Variants in ARFGEF2 observed in about 807,000 individuals in gnomAD.
ARFGEF2 encodes the protein ARF guanine nucleotide exchange factor 2, also known as brefeldin A-inhibited guanine nucleotide-exchange protein 2.
A neutral mutation model predicts 219.9 loss-of-function variants in ARFGEF2; 74 were observed. The observed-to-expected ratio is 0.34, with a 90% CI of 0.28 to 0.41. ARFGEF2 has a LOEUF of 0.41. ARFGEF2 is among the 10% of genes least tolerant of loss of function. The pLI, the probability that ARFGEF2 is intolerant of heterozygous loss-of-function variation, is 1.00. For missense variants in ARFGEF2, 1,743 were observed against 2,218.3 expected (o/e 0.79, Z 4.30); for synonymous variants, 733 against 799.2 (o/e 0.92, Z 1.40).
At chr20:49,019,471 C>T (rs1568741249) in intron 34 of ARFGEF2, among the ~76,000 whole-genome samples, 2 of 152,142 alleles carry the variant, frequency 1.3e-5, no homozygotes, top group African/African-American at 4.8e-5. Context: ...GCATTTATTG[C>T]TTAATTGAGT....
Position 49,035,808 on chromosome 20 carries a change from C to T in ARFGEF2, c.*2609C>T, listed in dbSNP as rs780728922. ...CTTCATTGTCTGTTAGGGAAATCACCAGCTTTGGCATCTTAACAACAAACA... is the reference window on the plus strand; with the variant it reads ...CTTCATTGTCTGTTAGGGAAATCACTAGCTTTGGCATCTTAACAACAAACA... On this transcript the variant is annotated 3_prime_UTR_variant, in exon 39 of 39. Coordinates refer to ENST00000371917, the MANE Select transcript of ARFGEF2 (RefSeq NM_006420.3). 8 of 188,738 alleles carry T rather than the reference C, an allele frequency of 4.2e-5. No homozygotes were observed. Among genetic ancestry groups the T allele is most frequent in the South Asian group, 1.9e-4 (1 of 5,154 alleles). The allele number at this position is 188,738 out of a possible 1,614,324, so 11.7% of individuals were successfully genotyped here.
chr20:49,017,400 G>T lies in ARFGEF2; in HGVS notation c.4454+13G>T. 1 of 1,613,964 alleles carries T rather than the reference G, an allele frequency of 6.2e-7. No homozygotes were observed. Among genetic ancestry groups the T allele is most frequent in the Non-Finnish European group, 8.5e-7 (1 of 1,179,994 alleles). On this transcript the variant is annotated intron_variant, in intron 32 of 38. Transcript: ENST00000371917. Reference sequence around the variant, plus strand: ...CCATCCCACATGTGTAAGTGTTCATGCAGTTGTTCCCGTTTATCTCTGTGT... The same window carrying T: ...CCATCCCACATGTGTAAGTGTTCATTCAGTTGTTCCCGTTTATCTCTGTGT...
intron 37 of ARFGEF2, among the ~76,000 whole-genome samples, chr20:49,029,289 A>G (rs1453928001): frequency 9.2e-5 from 14 of 152,172 alleles, no homozygotes; most frequent in Admixed American, 8.5e-4. Context: ...GTGCTGGCAA[A>G]TGTGTGGTAA....
rs371739977 is a variant in ARFGEF2 at position 49,004,886 on chromosome 20, C to T, written c.3433-184C>T. Reference sequence around the variant, plus strand: ...TTAATTAACTATGCAATACTGATTTCGTCATTACACTTAAAATAAAACTGG... The same window carrying T: ...TTAATTAACTATGCAATACTGATTTTGTCATTACACTTAAAATAAAACTGG... On this transcript the variant is annotated intron_variant, in intron 25 of 38. Transcript: ENST00000371917. Among the ~76,000 whole-genome samples, 11 of 152,296 alleles carry T rather than the reference C, an allele frequency of 7.2e-5. No individual in the cohort carries two copies. In the South Asian group the frequency reaches 1.9e-3, roughly 26 times the overall value.
intron 37 of ARFGEF2, among the ~76,000 whole-genome samples, chr20:49,028,944 C>T (rs945845956): frequency 5.3e-5 from 8 of 152,204 alleles, no homozygotes; most frequent in Admixed American, 1.3e-4. Flanking sequence ...GTGCTCCGAG[C>T]GGTCAGCAGG....
intron 6 of ARFGEF2, among the ~76,000 whole-genome samples, chr20:48,956,976 C>T (rs1416598766): frequency 6.6e-6 from 1 of 152,210 alleles, no homozygotes. Flanking sequence ...CTTACCGCCC[C>T]ACCATCCCCC....
intron 9 of ARFGEF2, 93 bp from the exon 10 acceptor site, chr20:48,971,027 A>G (rs2123414910): frequency 9.9e-7 from 1 of 1,008,848 alleles, no homozygotes; most frequent in Non-Finnish European, 1.6e-6. Context: ...TTAAAATTCT[A>G]CTCATTGGTA....
chr20:49,029,564 T>C (rs1462697567), intron 37 of ARFGEF2, among the ~76,000 whole-genome samples: 1 of 151,988 alleles, frequency 6.6e-6, no homozygotes, highest in African/African-American at 2.4e-5. Flanking sequence ...TCCTAAATTA[T>C]GATATTATGA....
In ARFGEF2 at chr20:49,023,054, A is replaced by G. The variant is rs774245280; in HGVS notation, c.4628A>G (p.Gln1543Arg). 27 of 1,614,114 alleles carry G rather than the reference A, an allele frequency of 1.7e-5. No individual in the cohort carries two copies. The highest frequency in any genetic ancestry group is 2.3e-5 in the Non-Finnish European group (27 of 1,180,038). The change falls in exon 35 of 39, where the codon CAG (glutamine) becomes CGG (arginine). Residue 1543 changes from glutamine to arginine, a missense_variant. By Grantham distance (43) the Gln-to-Arg change is conservative. Coordinates refer to ENST00000371917, the MANE Select transcript of ARFGEF2 (RefSeq NM_006420.3). Reference sequence around the variant, plus strand: ...TAATCTTTATCATCTAACATAGATCAGAAACTGTTTGCCAGCCTCCTCATC... The same window carrying G: ...TAATCTTTATCATCTAACATAGATCGGAAACTGTTTGCCAGCCTCCTCATC... ...DSWKGRPYAN[Q>R]KLFASLLIKC... is the part of the protein sequence containing the mutation.
intron 14 of ARFGEF2, among the ~76,000 whole-genome samples, chr20:48,978,825 T>A (rs1239932360): frequency 6.6e-6 from 1 of 152,240 alleles, no homozygotes; most frequent in Admixed American, 6.5e-5. Context: ...ATTGATTTTA[T>A]ATTCTGAGAC....
chr20:48,959,413 CTCCCTCCCTCCCTTCT>C (rs2091125788), intron 6 of ARFGEF2, among the ~76,000 whole-genome samples: 1 of 132,784 alleles, frequency 7.5e-6, no homozygotes, highest in Admixed American at 7.4e-5. Context: ...CCTTCCTTCC[CTCCCTCCCTCCCTTCT>C]TCCTTCCCTC....
intron 3 of ARFGEF2, among the ~76,000 whole-genome samples, chr20:48,945,902 T>G (rs1162978905): frequency 1.3e-5 from 2 of 152,104 alleles, no homozygotes; most frequent in African/African-American, 4.8e-5. Flanking sequence ...GAATGGAAGT[T>G]CTCTGAGATG....
intron 3 of ARFGEF2, among the ~76,000 whole-genome samples, chr20:48,943,717 T>C (rs2091007702): frequency 6.6e-6 from 1 of 152,232 alleles, no homozygotes; most frequent in Non-Finnish European, 1.5e-5. Flanking sequence ...ATTATAGGCA[T>C]GAGCCACCAC....
intron 25 of ARFGEF2, among the ~76,000 whole-genome samples, chr20:49,002,964 C>CT (rs558842301): frequency 0.015 from 1,648 of 112,652 alleles, 19 homozygotes; most frequent in Non-Finnish European, 0.022. Context: ...ATTTTTTTAA[C>CT]TTTTTTTTTT....
At chr20:48,929,218 C>G (rs2090898188) in intron 1 of ARFGEF2, among the ~76,000 whole-genome samples, 1 of 152,208 alleles carries the variant, frequency 6.6e-6, no homozygotes, top group African/African-American at 2.4e-5. Context: ...AAGCTCATTT[C>G]TGTTTAGTGC....
chr20:49,023,982 G>A (rs1049278738), intron 35 of ARFGEF2, among the ~76,000 whole-genome samples: 3 of 150,608 alleles, frequency 2.0e-5, no homozygotes, highest in African/African-American at 7.3e-5. Flanking sequence ...TTTTTTTGGC[G>A]AGACAAAGTC....
At chr20:48,952,032 G>A (rs1403366323) in intron 4 of ARFGEF2, among the ~76,000 whole-genome samples, 3 of 151,470 alleles carry the variant, frequency 2.0e-5, no homozygotes, top group Admixed American at 6.6e-5. Context: ...ACATCGAAAC[G>A]TATATTTTCT....
intron 14 of ARFGEF2, 22 bp downstream of exon 14, chr20:48,976,221 T>C: frequency 6.2e-7 from 1 of 1,613,104 alleles, no homozygotes; most frequent in Non-Finnish European, 8.5e-7. Flanking sequence ...TGCCGTTAAC[T>C]AGCAGGGATT....
chr20:48,924,656 G>A (rs988651915), intron 1 of ARFGEF2, among the ~76,000 whole-genome samples: 2 of 152,120 alleles, frequency 1.3e-5, no homozygotes, highest in African/African-American at 4.8e-5. Flanking sequence ...ATGCTTGGAT[G>A]ATAGAGAGCA....
Sources: gnomAD v4.1 joint callset for allele counts (sites outside exome capture counted in the v4.1 genomes callset) on GRCh38, gnomAD v4.1.1 for gene constraint, MANE v1.5 for transcripts, NCBI Gene and HGNC (gene_info 2026-07-23, HGNC 2026-07-21) for gene names.